The following TRIOBP variants were observed in gnomAD, a reference collection of about 807,000 sequenced individuals.
TRIOBP encodes TRIO and F-actin binding protein.
TRIOBP carries 169 observed loss-of-function variants against 238.8 expected under a neutral mutation model. The observed-to-expected ratio is 0.71, with a 90% CI of 0.62 to 0.80. The LOEUF is 0.80. Among genes scored for constraint, TRIOBP ranks in the 30% least tolerant of loss-of-function variants. TRIOBP has a pLI of 0.00. For missense variants in TRIOBP, 2,838 were observed against 3,122.6 expected (o/e 0.91, Z 2.17); for synonymous variants, 1,150 against 1,274.4 (o/e 0.90, Z 2.08).
At chr22:37,751,201 G>T (rs1384460892) in intron 11 of TRIOBP, 1 of 384,256 alleles carries the variant, frequency 2.6e-6, no homozygotes, top group Admixed American at 3.6e-5. Flanking sequence ...CACCCAGAAG[G>T]TAGGGCTTGC....
In TRIOBP at chr22:37,759,186, G is replaced by C. The variant is rs1225986196; in HGVS notation, c.6246G>C (p.Trp2082Cys). 1 of 1,612,962 alleles carries C rather than the reference G, an allele frequency of 6.2e-7. No individual in the cohort carries two copies. Among genetic ancestry groups the C allele is most frequent in the Admixed American group, 1.7e-5 (1 of 60,006 alleles). Residue 2082 changes from tryptophan (W) to cysteine (C), a missense_variant, in exon 17 of 24, where the codon TGG (tryptophan) becomes TGC (cysteine). Coordinates refer to ENST00000644935, the MANE Select transcript of TRIOBP (RefSeq NM_001039141.3). Reference sequence around the variant, plus strand: ...CTCTTCGGGCCCAGCTGGAGGCGTGGCGTCTCCAAGGGGAGGCTCCTCAGA... The same window carrying C: ...CTCTTCGGGCCCAGCTGGAGGCGTGCCGTCTCCAAGGGGAGGCTCCTCAGA... The part of the protein sequence containing the change: ...VQALRAQLEA[W>C]RLQGEAPQSA...
intron 21 of TRIOBP, 133 bp downstream of exon 21, chr22:37,769,508 G>C: frequency 3.5e-6 from 3 of 849,952 alleles, no homozygotes; most frequent in Non-Finnish European, 5.7e-6. Flanking sequence ...AGCCTGACTA[G>C]GCTAGAACAC....
At chr22:37,772,283 G>A (rs1467666201) in intron 22 of TRIOBP, among the ~76,000 whole-genome samples, 3 of 152,216 alleles carry the variant, frequency 2.0e-5, no homozygotes, top group Non-Finnish European at 2.9e-5. Flanking sequence ...AAGAACAGGT[G>A]GCGTGAACTC....
chr22:37,715,942 C>T lies in TRIOBP; in HGVS notation c.628+8C>T, dbSNP rs778933268. The T allele has an allele frequency of 5.0e-6, 8 of 1,612,068 alleles. No homozygotes were observed. ...CAGGCCAGAAAAAGGAGGGTGAGTCCTTCTGCCAGGTTGGTTCCCATGGTG... is the reference window on the plus strand; with the variant it reads ...CAGGCCAGAAAAAGGAGGGTGAGTCTTTCTGCCAGGTTGGTTCCCATGGTG... On this transcript the variant is annotated splice_region_variant and intron_variant, in intron 6 of 23. Coordinates refer to ENST00000644935, the MANE Select transcript of TRIOBP (RefSeq NM_001039141.3).
At chr22:37,743,949 T>C (rs915951192) in intron 11 of TRIOBP, among the ~76,000 whole-genome samples, 2 of 148,174 alleles carry the variant, frequency 1.3e-5, no homozygotes, top group African/African-American at 2.5e-5. Flanking sequence ...CATCAGGGGG[T>C]AGAAGGACCT....
intron 10 of TRIOBP, 93 bp downstream of exon 10, chr22:37,738,812 C>A: frequency 7.4e-7 from 1 of 1,352,930 alleles, no homozygotes; most frequent in South Asian, 1.2e-5. Context: ...GCCCTAGAAT[C>A]AACCAGACCA....
intron 2 of TRIOBP, among the ~76,000 whole-genome samples, chr22:37,699,982 G>A (rs1417633874): frequency 1.3e-5 from 2 of 152,074 alleles, no homozygotes; most frequent in Non-Finnish European, 2.9e-5. Flanking sequence ...AGGTTCAAGC[G>A]ATTCTCGTGC....
intron 17 of TRIOBP, among the ~76,000 whole-genome samples, chr22:37,762,080 A>T (rs1926275805): frequency 6.6e-6 from 1 of 151,870 alleles, no homozygotes; most frequent in African/African-American, 2.4e-5. Flanking sequence ...TTTTATTTTA[A>T]TTTTTTTAGA....
In TRIOBP at chr22:37,735,288, CG is replaced by C; in HGVS notation, c.4954del (p.Val1652SerfsTer18). ...GHSPALQSQS[P>X]VQLPSPACTS... ...AGCCCCGCACTGCAGTCCCAGAGCC[CG>C]GTCCAGCTGCCCAGCCCTGCCTGCA... On this transcript the variant is annotated frameshift_variant, in exon 9 of 24. Transcript: ENST00000644935. LOFTEE classifies it high-confidence loss of function. 1 of 1,610,678 alleles carries C rather than the reference CG, an allele frequency of 6.2e-7. No homozygotes were observed. The highest frequency in any genetic ancestry group is 8.5e-7 in the Non-Finnish European group (1 of 1,177,676).
At chr22:37,708,369 G>A (rs1363490293) in intron 3 of TRIOBP, among the ~76,000 whole-genome samples, 2 of 151,974 alleles carry the variant, frequency 1.3e-5, no homozygotes, top group Non-Finnish European at 2.9e-5. Context: ...TCGCCAACAT[G>A]GCAAACCCCT....
In TRIOBP at chr22:37,759,136, C is replaced by T. The variant is rs758869401; in HGVS notation, c.6214-18C>T. On this transcript the variant is annotated intron_variant, in intron 16 of 23. Transcript: ENST00000644935. ...GCCCCAGCTTCCAGGTCCCACTGAC[C>T]ACCCTTCTCCCTCGTAGGTTCAGGC... The T allele has an allele frequency of 5.0e-6, 8 of 1,598,356 alleles. No individual in the cohort carries two copies. The East Asian group carries it at 6.8e-5, about 14-fold the overall frequency.
chr22:37,726,522 T>C lies in TRIOBP; in HGVS notation c.3947+19T>C. ...AGCGCAGGTGAGCCCGGGGGTGGGG[T>C]CAGCCAGGTGGGCTGGGGAGGAGGC... On this transcript the variant is annotated intron_variant, in intron 7 of 23. Transcript: ENST00000644935. 1 of 1,460,558 alleles carries C rather than the reference T, an allele frequency of 6.8e-7. No homozygotes were observed. Among genetic ancestry groups the C allele is most frequent in the Non-Finnish European group, 9.0e-7 (1 of 1,112,298 alleles). The allele number at this position is 1,460,558 out of a possible 1,614,324, so 90.5% of individuals were successfully genotyped here. A position where few individuals can be genotyped will look rare whatever the true frequency, so the allele number is the denominator to read the frequency against.
chr22:37,741,075 G>C, intron 11 of TRIOBP, 43 bp downstream of exon 11: 2 of 1,550,466 alleles, frequency 1.3e-6, no homozygotes, highest in Non-Finnish European at 1.7e-6. Context: ...AGGGTGGATA[G>C]AGACGGGGAT....
chr22:37,717,276 G>A (rs534841093), intron 6 of TRIOBP, among the ~76,000 whole-genome samples: 101 of 152,326 alleles, frequency 6.6e-4, no homozygotes, highest in Middle Eastern at 6.8e-3. Flanking sequence ...GAGCGTTACA[G>A]CTCATAAAGG....
Position 37,734,946 on chromosome 22 carries a change from T to G in TRIOBP, c.4610T>G (p.Val1537Gly). 1 of 1,613,318 alleles carries G rather than the reference T, an allele frequency of 6.2e-7. No individual in the cohort carries two copies. The highest frequency in any genetic ancestry group is 8.5e-7 in the Non-Finnish European group (1 of 1,179,968). Residue 1537 changes from valine to glycine, a missense_variant, in exon 9 of 24, where the codon GTG becomes GGG. Val to Gly is a moderately radical substitution (Grantham distance 109, BLOSUM62 -3). Around this residue, in one of 5 missense-constraint regions of TRIOBP, gnomAD observed 2,096 missense variants for 2,137.4 expected, o/e 0.98. Coordinates refer to ENST00000644935, the MANE Select transcript of TRIOBP (RefSeq NM_001039141.3). Reference protein sequence around the residue: ...QSWHSGTPTAVGWGAEGACPY... With the variant: ...QSWHSGTPTAGGWGAEGACPY... The stretch of plus-strand genomic sequence containing the variant: ...TGGCACTCTGGGACACCCACTGCTG[T>G]GGGCTGGGGGGCAGAGGGAGCGTGT...
rs370688490 is a variant in TRIOBP, at chr22:37,768,847, C to G, written c.6576-181C>G. ...GATGGGCTCCTCCAAGCCACCCTCA[C>G]TTAGGGTAAACACCTGTAGCCCAGA... is the stretch of plus-strand genomic sequence containing the variant. On this transcript the variant is annotated intron_variant, in intron 19 of 23. Transcript: ENST00000644935. Among the ~76,000 whole-genome samples, 394 of 152,050 alleles carry G rather than the reference C, an allele frequency of 2.6e-3. No individual in the cohort carries two copies. Among genetic ancestry groups the G allele is most frequent in the African/African-American group, 9.0e-3 (373 of 41,516 alleles).
At chr22:37,765,173 C>CA (rs1926421075) in intron 17 of TRIOBP, among the ~76,000 whole-genome samples, 1 of 152,180 alleles carries the variant, frequency 6.6e-6, no homozygotes, top group East Asian at 1.9e-4. Context: ...CCCAGCTACT[C>CA]ACGAGGCTGA....
chr22:37,770,210 G>A (rs112527243), intron 21 of TRIOBP, among the ~76,000 whole-genome samples: 1,542 of 147,412 alleles, frequency 0.01, 31 homozygotes, highest in African/African-American at 0.036. Flanking sequence ...AGGCCGAGGC[G>A]GGCAGATCAC....
chr22:37,770,976 C>T (rs1601671298), intron 21 of TRIOBP, among the ~76,000 whole-genome samples: 1 of 152,356 alleles, frequency 6.6e-6, no homozygotes, highest in South Asian at 2.1e-4. Flanking sequence ...GCCACCGCTC[C>T]TGGCCCCAAT....
Sources: gnomAD v4.1 joint callset for allele counts (sites outside exome capture counted in the v4.1 genomes callset) on GRCh38, gnomAD v4.1.1 for gene constraint, gnomAD v4.1.1 regional missense constraint, MANE v1.5 for transcripts, NCBI Gene and HGNC (gene_info 2026-07-23, HGNC 2026-07-21) for gene names.